Variants in SGCD observed in about 807,000 individuals in gnomAD.
The protein encoded by SGCD is sarcoglycan delta.
SGCD carries 18 observed loss-of-function variants against 36.6 expected under a neutral mutation model. That is an observed-to-expected ratio of 0.49 (90% CI 0.34 to 0.73). SGCD has a LOEUF of 0.73. Ranked by LOEUF, SGCD falls within the 30% of genes least tolerant of loss-of-function variation. The pLI, the probability that SGCD is intolerant of heterozygous loss-of-function variation, is 0.01. For missense variants in SGCD, 387 were observed against 346.7 expected, an observed-to-expected ratio of 1.12 and a Z score of -0.92; for synonymous variants, 133 against 130.6, an observed-to-expected ratio of 1.02 and a Z score of -0.12.
At chr5:156,210,191 A>T (rs749806477) in intron 3 of SGCD, among the ~76,000 whole-genome samples, 10 of 151,936 alleles carry the variant, frequency 6.6e-5, no homozygotes, top group Non-Finnish European at 1.2e-4. Context: ...CGACCCAGGC[A>T]ATAGGCACCC....
chr5:156,072,000 C>A (rs1484678631), intron 1 of SGCD, among the ~76,000 whole-genome samples: 1 of 152,230 alleles, frequency 6.6e-6, no homozygotes, highest in East Asian at 1.9e-4. Context: ...TTCCTCCATC[C>A]TTTTATTTTG....
Position 156,723,006 on chromosome 5 carries a change from T to G in SGCD, c.576-34575T>G, listed in dbSNP as rs1268031080. Reference sequence around the variant, plus strand: ...TGTATAATCTTTGCTTGCTAGTAAATTAGACATTTAAAAAACGAATATGCC... The same window carrying G: ...TGTATAATCTTTGCTTGCTAGTAAAGTAGACATTTAAAAAACGAATATGCC... On this transcript the variant is annotated intron_variant, in intron 7 of 8. Transcript: ENST00000337851. 2.0e-5 allele frequency among the ~76,000 whole-genome samples: 3 copies of G among 152,214 alleles called. No individual in the cohort carries two copies. In the East Asian group the frequency reaches 5.8e-4, roughly 29 times the overall value.
chr5:156,651,253 C>T (rs780408540), intron 7 of SGCD, among the ~76,000 whole-genome samples: 5 of 151,980 alleles, frequency 3.3e-5, no homozygotes, highest in African/African-American at 7.2e-5. Flanking sequence ...ATTTTGTAGA[C>T]TGTTTATCCT....
At chr5:156,434,856 G>A (rs1380784869) in intron 3 of SGCD, among the ~76,000 whole-genome samples, 1 of 152,188 alleles carries the variant, frequency 6.6e-6, no homozygotes. Context: ...ATTCATTAAA[G>A]GTGTATAAGA....
intron 3 of SGCD, among the ~76,000 whole-genome samples, chr5:156,314,789 C>A (rs1284067426): frequency 1.3e-5 from 2 of 151,964 alleles, no homozygotes; most frequent in African/African-American, 2.4e-5. Context: ...GAAGAAGGGA[C>A]CTGTCAGCTA....
chr5:156,157,523 CT>C (rs1762992357), intron 3 of SGCD, among the ~76,000 whole-genome samples: 1 of 151,754 alleles, frequency 6.6e-6, no homozygotes, highest in Non-Finnish European at 1.5e-5. Flanking sequence ...CTTATTTCCA[CT>C]TTGCCATAAA....
chr5:156,387,948 C>T (rs1771359519), intron 3 of SGCD, among the ~76,000 whole-genome samples: 1 of 152,138 alleles, frequency 6.6e-6, no homozygotes, highest in African/African-American at 2.4e-5. Context: ...GTGTTCTTCC[C>T]TTTCTATTTC....
At chr5:156,557,262 C>T (rs1238314341) in intron 4 of SGCD, among the ~76,000 whole-genome samples, 1 of 152,124 alleles carries the variant, frequency 6.6e-6, no homozygotes, top group East Asian at 1.9e-4. Flanking sequence ...CCATCTGTCC[C>T]TTCACAGAAT....
At chr5:155,986,910 G>T (rs922762155) in intron 1 of SGCD, among the ~76,000 whole-genome samples, 3 of 152,132 alleles carry the variant, frequency 2.0e-5, no homozygotes, top group African/African-American at 7.2e-5. Flanking sequence ...AACTGGGGTG[G>T]ATCTTAGTAT....
At chr5:156,093,076 G>A (rs758472290) in intron 1 of SGCD, among the ~76,000 whole-genome samples, 16 of 152,220 alleles carry the variant, frequency 1.1e-4, no homozygotes, top group Non-Finnish European at 2.1e-4. Flanking sequence ...TCATCATCAA[G>A]GCCACAACCT....
chr5:156,042,485 GA>G (rs1419755106), intron 1 of SGCD, among the ~76,000 whole-genome samples: 2 of 152,186 alleles, frequency 1.3e-5, no homozygotes, highest in East Asian at 3.9e-4. Flanking sequence ...TTGCAATAGA[GA>G]AAGAGTTTAA....
At chr5:156,303,210 T>G (rs538137886) in intron 3 of SGCD, among the ~76,000 whole-genome samples, 36 of 152,276 alleles carry the variant, frequency 2.4e-4, no homozygotes, top group South Asian at 2.3e-3. Flanking sequence ...CTTCCCACTC[T>G]TCCCTCCCTT....
At chr5:156,644,804 TC>T (rs1350315515) in intron 6 of SGCD, among the ~76,000 whole-genome samples, 1 of 152,154 alleles carries the variant, frequency 6.6e-6, no homozygotes, top group Non-Finnish European at 1.5e-5. Flanking sequence ...AGATTTCAGG[TC>T]TCTTGACATC....
At chr5:155,968,649 C>T (rs1046051574) in intron 1 of SGCD, among the ~76,000 whole-genome samples, 2 of 152,024 alleles carry the variant, frequency 1.3e-5, no homozygotes, top group Admixed American at 6.6e-5. Flanking sequence ...GAGTTCAGTA[C>T]CGTCTATGGT....
intron 3 of SGCD, among the ~76,000 whole-genome samples, chr5:156,377,419 G>A (rs1770728287): frequency 6.6e-6 from 1 of 152,066 alleles, no homozygotes; most frequent in Admixed American, 6.6e-5. Context: ...AACACACTAT[G>A]TTTTCTTATT....
chr5:156,463,126 T>A (rs921562415), intron 3 of SGCD, among the ~76,000 whole-genome samples: 2 of 151,622 alleles, frequency 1.3e-5, no homozygotes, highest in African/African-American at 4.8e-5. Flanking sequence ...TTAACAGCAG[T>A]TTGTTTTTTT....
chr5:156,098,143 AGCTTCTCAATGTGG>A (rs1761426468), intron 1 of SGCD, among the ~76,000 whole-genome samples: 2 of 152,240 alleles, frequency 1.3e-5, no homozygotes, highest in African/African-American at 2.4e-5. Context: ...GGAATAAAGC[AGCTTCTCAATGTGG>A]GCCTTTTCCA....
intron 7 of SGCD, among the ~76,000 whole-genome samples, chr5:156,727,734 T>C (rs1449395985): frequency 3.3e-5 from 5 of 152,174 alleles, no homozygotes; most frequent in Non-Finnish European, 7.4e-5. Flanking sequence ...ACATGAGTCA[T>C]GAACTAAATA....
At chr5:156,297,045 A>G (rs1766915276) in intron 3 of SGCD, among the ~76,000 whole-genome samples, 1 of 151,346 alleles carries the variant, frequency 6.6e-6, no homozygotes, top group Admixed American at 6.6e-5. Flanking sequence ...ATATATATAT[A>G]TGGGATATAT....
Sources: gnomAD v4.1 joint callset for allele counts (sites outside exome capture counted in the v4.1 genomes callset) on GRCh38, gnomAD v4.1.1 for gene constraint, MANE v1.5 for transcripts, NCBI Gene and HGNC (gene_info 2026-07-23, HGNC 2026-07-21) for gene names.